The following CLIC5 variants were observed in gnomAD, a reference collection of about 807,000 sequenced individuals.
CLIC5 encodes the protein chloride intracellular channel protein 5.
A neutral mutation model predicts 24.7 loss-of-function variants in CLIC5; 20 were observed. The ratio of observed to expected loss-of-function variants is 0.81; its 90% CI spans 0.57 to 1.18. The LOEUF is 1.18. Ranked by LOEUF, CLIC5 falls within the 50% of genes most tolerant of loss-of-function variation. CLIC5 has a pLI of 0.00. For missense variants in CLIC5, 341 were observed against 326.1 expected, an observed-to-expected ratio of 1.05 and a Z score of -0.35; for synonymous variants, 159 against 135.6, an observed-to-expected ratio of 1.17 and a Z score of -1.20.
At chr6:46,020,666 T>G (rs1257592343), upstream of CLIC5, among the ~76,000 whole-genome samples, 7 of 151,700 alleles carry the variant, frequency 4.6e-5, no homozygotes, top group Admixed American at 2.0e-4. Flanking sequence ...ATCAATAAAG[T>G]TGATAAATTT....
chr6:45,881,463 C>T (rs993867150), intron 6 of CLIC5, among the ~76,000 whole-genome samples: 23 of 152,094 alleles, frequency 1.5e-4, no homozygotes, highest in Non-Finnish European at 2.4e-4. Flanking sequence ...GGCAGATTCT[C>T]CCCGTTAGGT....
At chr6:46,090,621 A>G in the CLIC5 span, among the ~76,000 whole-genome samples, 1 of 152,232 alleles carries the variant, frequency 6.6e-6, no homozygotes, top group Non-Finnish European at 1.5e-5. Flanking sequence ...ATGATGCACA[A>G]CACGATGCCT....
chr6:45,950,250 T>G (rs1411792868), intron 2 of CLIC5, among the ~76,000 whole-genome samples: 2 of 152,176 alleles, frequency 1.3e-5, no homozygotes, highest in African/African-American at 4.8e-5. Flanking sequence ...ATATTTTTAA[T>G]GGCTACATGA....
chr6:46,123,393 T>C, the CLIC5 span, among the ~76,000 whole-genome samples: 1 of 152,204 alleles, frequency 6.6e-6, no homozygotes, highest in Non-Finnish European at 1.5e-5. Context: ...CTCTTCATGC[T>C]AAAAATGCTC....
intron 5 of CLIC5, among the ~76,000 whole-genome samples, chr6:45,904,087 G>T (rs1163381758): frequency 6.6e-6 from 1 of 152,130 alleles, no homozygotes; most frequent in Admixed American, 6.5e-5. Context: ...TAAAAGCATG[G>T]GCTCTGGATA....
intron 4 of CLIC5, among the ~76,000 whole-genome samples, chr6:45,940,282 T>G (rs1308254265): frequency 6.6e-6 from 1 of 152,198 alleles, no homozygotes; most frequent in Non-Finnish European, 1.5e-5. Flanking sequence ...TTACCTGCAG[T>G]TAATCAGCTC....
the CLIC5 span, among the ~76,000 whole-genome samples, chr6:46,104,471 C>T: frequency 9.3e-4 from 142 of 152,080 alleles, no homozygotes; most frequent in African/African-American, 3.3e-3. Context: ...GTTGTCTCAA[C>T]CTTGTTGCTT....
At chr6:46,055,258 AT>A (rs1168186689) in intron 1 of CLIC5, among the ~76,000 whole-genome samples, 1 of 152,210 alleles carries the variant, frequency 6.6e-6, no homozygotes, top group Non-Finnish European at 1.5e-5. Flanking sequence ...GCCCACCAAC[AT>A]GCCTGGCTAA....
intron 1 of CLIC5, among the ~76,000 whole-genome samples, chr6:46,073,240 T>G (rs964793865): frequency 6.6e-6 from 1 of 152,190 alleles, no homozygotes; most frequent in Non-Finnish European, 1.5e-5. Context: ...TCTCACCCCA[T>G]GCAAACACAC....
At chr6:45,979,783 C>T (rs1765506542) in intron 1 of CLIC5, among the ~76,000 whole-genome samples, 1 of 151,072 alleles carries the variant, frequency 6.6e-6, no homozygotes, top group Non-Finnish European at 1.5e-5. Flanking sequence ...CCTTTTAGAC[C>T]TTTGTGAGAT....
chr6:45,954,647 G>A (rs1764583790), intron 2 of CLIC5, among the ~76,000 whole-genome samples: 1 of 152,172 alleles, frequency 6.6e-6, no homozygotes, highest in African/African-American at 2.4e-5. Context: ...TCTAAAAACA[G>A]AACAGTAGTT....
the CLIC5 span, among the ~76,000 whole-genome samples, chr6:46,088,848 A>G: frequency 6.6e-6 from 1 of 152,220 alleles, no homozygotes; most frequent in Non-Finnish European, 1.5e-5. Flanking sequence ...TGAACAAGTG[A>G]TCGTCCCAAC....
chr6:46,041,738 T>A (rs981988343), intron 1 of CLIC5, among the ~76,000 whole-genome samples: 5 of 152,182 alleles, frequency 3.3e-5, no homozygotes, highest in African/African-American at 1.2e-4. Flanking sequence ...TTACCTAACT[T>A]CTCTATGCTT....
At chr6:46,004,181 G>A (rs554850744) in intron 1 of CLIC5, among the ~76,000 whole-genome samples, 1 of 152,346 alleles carries the variant, frequency 6.6e-6, no homozygotes, top group South Asian at 2.1e-4. Context: ...TAAGTGGACA[G>A]TATTAAGCAT....
At chr6:46,096,841 T>C in the CLIC5 span, among the ~76,000 whole-genome samples, 7 of 152,332 alleles carry the variant, frequency 4.6e-5, no homozygotes, top group Non-Finnish European at 1.0e-4. Context: ...TACGATTTAA[T>C]TTCTTTTATA....
At chr6:46,020,749 A>G (rs1767154073), upstream of CLIC5, among the ~76,000 whole-genome samples, 2 of 152,052 alleles carry the variant, frequency 1.3e-5, no homozygotes, top group Admixed American at 1.3e-4. Flanking sequence ...TGGGATATCA[A>G]CTATGAACTT....
chr6:46,079,777 A>T, exon 1 of CLIC5: 1 of 1,552,070 alleles, frequency 6.4e-7, no homozygotes, highest in Non-Finnish European at 8.7e-7. Context: ...TCAGAATAGC[A>T]GGAATACTTG....
chr6:45,941,141 G>A (rs1488956277), intron 4 of CLIC5, among the ~76,000 whole-genome samples: 2 of 152,180 alleles, frequency 1.3e-5, no homozygotes, highest in Non-Finnish European at 2.9e-5. Context: ...AAAATCCCTG[G>A]AGAAACCTTG....
chr6:45,941,591 T>G lies in CLIC5; in HGVS notation c.362A>C (p.Lys121Thr). ...GGTATTTTTGATGTAGGCAGAAAAC[T>G]TGGAAAAGATGTCGATGCCCGCTGT... The part of the protein sequence containing the change: ...SNTAGIDIFS[K>T]FSAYIKNTKQ... Residue 121 changes from lysine to threonine, a missense_variant, in exon 4 of 6, where the codon AAG becomes ACG. Physicochemically the swap from Lys to Thr is moderately conservative, Grantham distance 78. Transcript: ENST00000339561. 1 of 1,613,914 alleles carries G rather than the reference T, an allele frequency of 6.2e-7. No homozygotes were observed.
Sources: allele counts gnomAD v4.1 joint callset (sites outside exome capture counted in the v4.1 genomes callset), GRCh38; gene constraint gnomAD v4.1.1; transcripts MANE v1.5; gene names NCBI Gene and HGNC (gene_info 2026-07-23, HGNC 2026-07-21).